Variants in TADA3 observed in about 807,000 individuals in gnomAD.
The protein encoded by TADA3 is transcriptional adaptor 3, also known as transcriptional adapter 3.
In TADA3, 25 loss-of-function variants were observed where a neutral mutation model predicts 43.2. The observed-to-expected ratio is 0.58, with a 90% CI of 0.42 to 0.81. The LOEUF (loss-of-function observed/expected upper bound fraction) is 0.81. Among genes scored for constraint, TADA3 ranks in the 30% least tolerant of loss-of-function variants. The pLI is 0.00. For synonymous variants in TADA3, 235 were observed against 225.5 expected (o/e 1.04, Z -0.38); for missense variants, 441 against 567.8 (o/e 0.78, Z 2.27).
At chr3:9,786,949 C>T in intron 6 of TADA3, 57 bp downstream of exon 6, 1 of 1,467,474 alleles carries the variant, frequency 6.8e-7, no homozygotes, top group Non-Finnish European at 9.5e-7. Context: ...AAAAAATAAG[C>T]ATAACACATT....
rs1157915247 is a variant in TADA3, at chr3:9,785,336, G to C, written c.900C>G (p.Arg300=). Residue 300 remains arginine (R), a synonymous_variant, in exon 7 of 9, where the codon CGC becomes CGG. Coordinates refer to ENST00000301964, the MANE Select transcript of TADA3 (RefSeq NM_006354.5). ...CTCACCTGAAGGGCTTGTTCTGATT[G>C]CGAGGGGAGGTGCTTGCCCCGTCAG... ...SGADGASTSP[R]NQNKPFSVPH... is the part of the protein sequence containing the mutation. 6.2e-7 allele frequency: 1 copy of C among 1,614,000 alleles called. No homozygotes were observed. Among genetic ancestry groups the C allele is most frequent in the Admixed American group, 1.7e-5 (1 of 60,018 alleles).
intron 7 of TADA3, 68 bp downstream of exon 7, chr3:9,785,248 G>C: frequency 7.7e-7 from 1 of 1,299,628 alleles, no homozygotes. Context: ...GACTTCCCCA[G>C]GTTGAGATGG....
intron 1 of TADA3, among the ~76,000 whole-genome samples, chr3:9,791,944 G>A (rs182833677): frequency 6.6e-6 from 1 of 152,198 alleles, no homozygotes; most frequent in Admixed American, 6.5e-5. Flanking sequence ...TTCTTACCAT[G>A]TTCTCTGGGA....
In TADA3 at chr3:9,789,638, G is replaced by GT. The variant is rs1295564561; in HGVS notation, c.459-25dup. On this transcript the variant is annotated intron_variant, in intron 3 of 8. Coordinates refer to ENST00000301964, the MANE Select transcript of TADA3 (RefSeq NM_006354.5). Reference sequence around the variant, plus strand: ...ACCTGCAGGGAGAAGCAGATCCTGAGTGGGCGCCCCTGCCCCACCAGTGCC... The same window carrying GT: ...ACCTGCAGGGAGAAGCAGATCCTGAGTTGGGCGCCCCTGCCCCACCAGTGCC... 3 of 1,612,958 alleles carry GT rather than the reference G, an allele frequency of 1.9e-6. No individual in the cohort carries two copies. In the African/African-American group the frequency reaches 4.0e-5, roughly 22 times the overall value.
chr3:9,785,766 T>C (rs9841674), intron 6 of TADA3, among the ~76,000 whole-genome samples: 100,063 of 152,064 alleles, frequency 0.66, 33,581 homozygotes, highest in Middle Eastern at 0.84. Context: ...GCCATACTCT[T>C]CTTTCCTCCA....
intron 8 of TADA3, among the ~76,000 whole-genome samples, chr3:9,781,335 ACT>A (rs751423496): frequency 1.5e-4 from 22 of 151,060 alleles, no homozygotes; most frequent in Non-Finnish European, 2.1e-4. Flanking sequence ...AGGCACACCC[ACT>A]CTCTCTCTCT....
Position 9,787,005 on chromosome 3 carries a change from C to T in TADA3, c.810+1G>A. ...TTCCTCTTTTGGGTTAGGCTGCTCA[C>T]CTCCACCAGGGCCTGCAGGAGGCGC... is the stretch of plus-strand genomic sequence containing the variant. On this transcript the variant is annotated splice_donor_variant, in intron 6 of 8. Transcript: ENST00000301964. LOFTEE classifies it high-confidence loss of function. The T allele has an allele frequency of 6.2e-7, 1 of 1,613,930 alleles. No homozygotes were observed. The highest frequency in any genetic ancestry group is 8.5e-7 in the Non-Finnish European group (1 of 1,179,826).
chr3:9,787,742 A>G (rs1188004658), intron 4 of TADA3: 4 of 1,283,518 alleles, frequency 3.1e-6, no homozygotes, highest in Non-Finnish European at 3.1e-6. Context: ...ATTTTTAAGA[A>G]ATCAGATAAG....
At chr3:9,788,679 A>C (rs1183831814) in intron 4 of TADA3, among the ~76,000 whole-genome samples, 3 of 151,784 alleles carry the variant, frequency 2.0e-5, no homozygotes, top group Non-Finnish European at 4.4e-5. Context: ...AGCCAGGATT[A>C]CAGGTGCATG....
intron 8 of TADA3, chr3:9,781,603 G>A (rs1004170961): frequency 4.4e-6 from 2 of 456,120 alleles, no homozygotes; most frequent in Non-Finnish European, 8.8e-6. Flanking sequence ...GACAGGAGGT[G>A]GGTGAGACAC....
chr3:9,792,931 C>T, upstream of TADA3: 1 of 1,397,490 alleles, frequency 7.2e-7, no homozygotes, highest in Non-Finnish European at 9.3e-7. Context: ...TTTAAAAATA[C>T]CGAGACAGCC....
intron 2 of TADA3, among the ~76,000 whole-genome samples, 189 bp downstream of exon 2, chr3:9,791,071 T>C (rs2078719169): frequency 6.6e-6 from 1 of 152,202 alleles, no homozygotes; most frequent in African/African-American, 2.4e-5. Context: ...GAATTAGAAA[T>C]CTTGCAATTT....
At chr3:9,787,508 C>T (rs2078643959) in intron 4 of TADA3, 168 bp from the exon 5 acceptor site, 3 of 1,071,442 alleles carry the variant, frequency 2.8e-6, no homozygotes, top group Admixed American at 5.8e-5. Context: ...CTGTACTTCA[C>T]ACTCTAGTAA....
upstream of TADA3, chr3:9,792,982 G>T (rs1434248002): frequency 2.1e-6 from 3 of 1,440,720 alleles, no homozygotes; most frequent in African/African-American, 2.9e-5. Context: ...GTTCGTAAGG[G>T]CTCTCTACCC....
rs2078731223 is a variant in TADA3 at position 9,791,478 on chromosome 3, T to C, written c.-12A>G. ...TTCAACTCACTCATGGCCCAGGATATGGGGATCCTGTGGAGCTGGAGAGGA... is the reference window on the plus strand; with the variant it reads ...TTCAACTCACTCATGGCCCAGGATACGGGGATCCTGTGGAGCTGGAGAGGA... On this transcript the variant is annotated 5_prime_UTR_variant, in exon 2 of 9. Transcript: ENST00000301964. 6.3e-7 allele frequency: 1 copy of C among 1,595,258 alleles called. No homozygotes were observed. Among genetic ancestry groups the C allele is most frequent in the Non-Finnish European group, 8.6e-7 (1 of 1,166,764 alleles).
rs2078638862 is a variant in TADA3, at chr3:9,787,320, G to A, written c.585C>T (p.His195=). 2 of 1,613,044 alleles carry A rather than the reference G, an allele frequency of 1.2e-6. No individual in the cohort carries two copies. The highest frequency in any genetic ancestry group is 1.7e-6 in the Non-Finnish European group (2 of 1,179,596). ...EHYKIPPLGK[H]YSQRWAQEDL... ...CCTCCTGGGCCCAGCGCTGGGAGTA[G>A]TGCTTCCCCAGGGGTGGGATCTGTG... The change falls in exon 5 of 9, where the codon CAC becomes CAT. Residue 195 remains histidine, a synonymous_variant. Transcript: ENST00000301964.
In TADA3 at chr3:9,789,366, T is replaced by C. The variant is rs563457660; in HGVS notation, c.564+143A>G. On this transcript the variant is annotated intron_variant, in intron 4 of 8. Transcript: ENST00000301964. ...GGAGAAAGCTGAGTTTGGGCCTAGG[T>C]GTCTGGAGGCACTGATGGAGCAGAC... 4.8e-4 allele frequency: 337 copies of C among 703,266 alleles called. 1 individual carries two copies. Among genetic ancestry groups the C allele is most frequent in the Admixed American group, 5.5e-4 (19 of 34,678 alleles). 43.6% of individuals were successfully genotyped at this position (703,266 alleles called of 1,614,324 possible).
chr3:9,790,647 G>A (rs1455594159), intron 2 of TADA3, among the ~76,000 whole-genome samples: 2 of 152,198 alleles, frequency 1.3e-5, no homozygotes, highest in Non-Finnish European at 2.9e-5. Flanking sequence ...CATCAGAGTA[G>A]CAAATAAATA....
At chr3:9,783,942 C>A in intron 8 of TADA3, 86 bp downstream of exon 8, 2 of 1,464,704 alleles carry the variant, frequency 1.4e-6, no homozygotes, top group Non-Finnish European at 1.8e-6. Flanking sequence ...GATTGGAAAG[C>A]CTGTTGTAAA....
Sources: gnomAD v4.1 joint callset for allele counts (sites outside exome capture counted in the v4.1 genomes callset) on GRCh38, gnomAD v4.1.1 for gene constraint, MANE v1.5 for transcripts, NCBI Gene and HGNC (gene_info 2026-07-23, HGNC 2026-07-21) for gene names.